Variants in SV2C observed in about 807,000 individuals in gnomAD.
SV2C encodes solute carrier family 22 member B3.
Under a neutral mutation model 79.7 loss-of-function variants are expected in SV2C, and 49 were observed. The observed-to-expected ratio is 0.61, with a 90% confidence interval of 0.49 to 0.78. The LOEUF is 0.78. SV2C is among the 30% of genes least tolerant of loss of function. The pLI is 0.00. For missense variants in SV2C, 833 were observed against 912.9 expected, an observed-to-expected ratio of 0.91 and a Z score of 1.13; for synonymous variants, 334 against 333.2, an observed-to-expected ratio of 1.00 and a Z score of -0.03.
intron 5 of SV2C, 76 bp downstream of exon 5, chr5:76,285,371 C>T: frequency 6.4e-7 from 1 of 1,571,440 alleles, no homozygotes; most frequent in Non-Finnish European, 8.6e-7. Context: ...TAGGAAAGCA[C>T]ATTTGCCTAT....
intron 1 of SV2C, among the ~76,000 whole-genome samples, chr5:76,097,993 G>C (rs756334161): frequency 2.0e-5 from 3 of 152,258 alleles, no homozygotes; most frequent in Admixed American, 1.3e-4. Context: ...CAGTCCGAAG[G>C]CTTGTCCTGT....
intron 2 of SV2C, among the ~76,000 whole-genome samples, chr5:76,185,702 G>A (rs1910061): frequency 0.56 from 84,490 of 152,162 alleles, 23,692 homozygotes; most frequent in East Asian, 0.63. Flanking sequence ...CATAGCAGCC[G>A]GTGAAACAAT....
At chr5:75,961,534 A>C in the SV2C span, among the ~76,000 whole-genome samples, 2 of 151,976 alleles carry the variant, frequency 1.3e-5, no homozygotes, top group Non-Finnish European at 2.9e-5. Flanking sequence ...GTTTTCAAAA[A>C]TGTTATTACA....
chr5:75,983,834 C>T, the SV2C span, among the ~76,000 whole-genome samples: 1 of 151,960 alleles, frequency 6.6e-6, no homozygotes, highest in Non-Finnish European at 1.5e-5. Context: ...CAAATGTGAC[C>T]CAAGGAAAGG....
the SV2C span, among the ~76,000 whole-genome samples, chr5:75,996,490 C>T: frequency 7.9e-5 from 12 of 152,186 alleles, no homozygotes; most frequent in African/African-American, 2.9e-4. Context: ...TCCATATGAA[C>T]TTTAAAGTAG....
the SV2C span, among the ~76,000 whole-genome samples, chr5:76,000,735 G>A: frequency 6.6e-6 from 1 of 152,072 alleles, no homozygotes; most frequent in African/African-American, 2.4e-5. Flanking sequence ...TTGCTTGATG[G>A]GGGAGCTGTT....
chr5:76,056,447 A>C, the SV2C span, among the ~76,000 whole-genome samples: 1 of 151,982 alleles, frequency 6.6e-6, no homozygotes, highest in Non-Finnish European at 1.5e-5. Flanking sequence ...ATTGGCATGA[A>C]GTTTTCTTTT....
At chr5:76,271,616 CTTTTTTTTTTT>C (rs34458409) in intron 4 of SV2C, among the ~76,000 whole-genome samples, 1 of 96,062 alleles carries the variant, frequency 1.0e-5, no homozygotes, top group Admixed American at 1.3e-4. Context: ...AGCATGTGTT[CTTTTTTTTTTT>C]TTTTTTTTTT....
intron 4 of SV2C, among the ~76,000 whole-genome samples, chr5:76,237,536 C>T (rs1176273199): frequency 6.6e-6 from 1 of 152,104 alleles, no homozygotes; most frequent in Non-Finnish European, 1.5e-5. Context: ...TTCTGGAACC[C>T]CTGGACTTTC....
At position 76,301,536 on chromosome 5, in the gene SV2C, C is replaced by T. The variant is rs372341328; in HGVS notation, c.1991C>T (p.Thr664Ile). Residue 664 changes from threonine (T) to isoleucine (I), a missense_variant, in exon 12 of 13, where the codon ACA becomes ATA. Physicochemically the swap from Thr to Ile is moderately conservative, Grantham distance 89. Transcript: ENST00000502798. Reference protein sequence around the residue: ...LDVVTVELYPTDRRATGFGFL... With the variant: ...LDVVTVELYPIDRRATGFGFL... Reference sequence around the variant, plus strand: ...GTGGTCACTGTGGAACTGTACCCCACAGACCGGAGGTATGTTGAAATGGGC... The same window carrying T: ...GTGGTCACTGTGGAACTGTACCCCATAGACCGGAGGTATGTTGAAATGGGC... 1.8e-5 allele frequency: 29 copies of T among 1,613,284 alleles called. No homozygotes were observed. The African/African-American group carries it at 2.8e-4, about 16-fold the overall frequency.
the SV2C span, among the ~76,000 whole-genome samples, chr5:75,970,248 A>G: frequency 6.6e-6 from 1 of 152,098 alleles, no homozygotes; most frequent in Non-Finnish European, 1.5e-5. Context: ...ACACTCTAAA[A>G]TCACAATTAA....
chr5:76,176,185 A>G (rs1255825686), intron 2 of SV2C, among the ~76,000 whole-genome samples: 1 of 152,198 alleles, frequency 6.6e-6, no homozygotes, highest in African/African-American at 2.4e-5. Context: ...TGAGATTTAA[A>G]TGTTCAAGAC....
chr5:76,298,115 C>T (rs1251934107), intron 9 of SV2C, among the ~76,000 whole-genome samples: 1 of 152,126 alleles, frequency 6.6e-6, no homozygotes, highest in Non-Finnish European at 1.5e-5. Flanking sequence ...GAACAGGTTT[C>T]ATCATTCTTC....
At chr5:76,030,276 T>G in the SV2C span, among the ~76,000 whole-genome samples, 380 of 112,194 alleles carry the variant, frequency 3.4e-3, 3 homozygotes, top group Middle Eastern at 0.018. Context: ...GTTTTTTTTT[T>G]TTTTTTTTTT....
At chr5:76,173,064 A>G (rs1362471684) in intron 2 of SV2C, among the ~76,000 whole-genome samples, 1 of 104,874 alleles carries the variant, frequency 9.5e-6, no homozygotes, top group African/African-American at 4.1e-5. Context: ...ATTAAAAAAA[A>G]ATACAAAAAA....
At chr5:75,987,793 A>G in the SV2C span, among the ~76,000 whole-genome samples, 1 of 152,032 alleles carries the variant, frequency 6.6e-6, no homozygotes, top group Non-Finnish European at 1.5e-5. Flanking sequence ...CACTACTGCC[A>G]TCTACTACTA....
At chr5:76,103,023 A>G (rs1747794357) in intron 1 of SV2C, among the ~76,000 whole-genome samples, 1 of 152,130 alleles carries the variant, frequency 6.6e-6, no homozygotes, top group Admixed American at 6.5e-5. Context: ...AGCACCTGAT[A>G]TGTGTCACTG....
intron 1 of SV2C, among the ~76,000 whole-genome samples, chr5:76,110,731 G>T (rs1384167834): frequency 6.6e-6 from 1 of 152,220 alleles, no homozygotes; most frequent in African/African-American, 2.4e-5. Context: ...TCTCCTTACG[G>T]ACATTTTATC....
chr5:76,336,352 G>A (rs965260161), downstream of SV2C, among the ~76,000 whole-genome samples: 24 of 151,458 alleles, frequency 1.6e-4, no homozygotes, highest in Admixed American at 9.2e-4. Context: ...GGGAAGAGGC[G>A]CTCCTCACTT....
Sources: gnomAD v4.1 joint callset for allele counts (sites outside exome capture counted in the v4.1 genomes callset) on GRCh38, gnomAD v4.1.1 for gene constraint, MANE v1.5 for transcripts, NCBI Gene and HGNC (gene_info 2026-07-23, HGNC 2026-07-21) for gene names.